Variants in PRKD1 observed in about 807,000 individuals in gnomAD.
PRKD1 encodes the protein serine/threonine-protein kinase D1.
In PRKD1, 63 loss-of-function variants were observed where a neutral mutation model predicts 95.9. That is an observed-to-expected ratio of 0.66 (90% CI 0.54 to 0.81). The LOEUF (loss-of-function observed/expected upper bound fraction) is 0.81. Ranked by LOEUF, PRKD1 falls within the 30% of genes least tolerant of loss-of-function variation. The pLI is 0.00. For missense variants in PRKD1, 1,048 were observed against 1,165.3 expected (o/e 0.90, Z 1.47); for synonymous variants, 425 against 423.1 (o/e 1.00, Z -0.05).
chr14:29,752,351 A>G (rs540359799), intron 1 of PRKD1, among the ~76,000 whole-genome samples: 1 of 152,110 alleles, frequency 6.6e-6, no homozygotes, highest in Non-Finnish European at 1.5e-5. Context: ...CCATTTAACA[A>G]AAGGATAATA....
chr14:29,831,671 G>GT (rs1367470192), intron 1 of PRKD1, among the ~76,000 whole-genome samples: 1 of 151,838 alleles, frequency 6.6e-6, no homozygotes. Context: ...GTTTCACCAT[G>GT]TTTTTTATTT....
Position 29,821,221 on chromosome 14 carries a change from T to C in PRKD1, c.265-95547A>G, listed in dbSNP as rs185195228. ...TAAATACATGACTGTGTTCTTGTAT[T>C]CTCTAAGGTAGATTGTGTAGATTGA... On this transcript the variant is annotated intron_variant, in intron 1 of 17. Coordinates refer to ENST00000331968, the MANE Select transcript of PRKD1 (RefSeq NM_002742.3). 6.4e-3 allele frequency among the ~76,000 whole-genome samples: 970 copies of C among 152,306 alleles called. 8 individuals are homozygous for C. The highest frequency in any genetic ancestry group is 0.01 in the Non-Finnish European group (708 of 68,032).
intron 1 of PRKD1, among the ~76,000 whole-genome samples, chr14:29,890,226 T>C (rs1893892398): frequency 6.6e-6 from 1 of 152,218 alleles, no homozygotes; most frequent in Non-Finnish European, 1.5e-5. Context: ...ATTTCAAGCA[T>C]TTTATTTGTT....
chr14:29,582,503 G>C (rs1892785779), intron 16 of PRKD1, among the ~76,000 whole-genome samples: 1 of 152,160 alleles, frequency 6.6e-6, no homozygotes, highest in Non-Finnish European at 1.5e-5. Context: ...ACATCTGTTA[G>C]TTTCTTCAAT....
chr14:29,667,978 C>T (rs532639987), intron 2 of PRKD1, among the ~76,000 whole-genome samples: 2 of 151,222 alleles, frequency 1.3e-5, no homozygotes, highest in East Asian at 1.9e-4. Context: ...CATTCATAAG[C>T]AGTTAGCACC....
At chr14:29,817,452 A>G (rs1357132492) in intron 1 of PRKD1, among the ~76,000 whole-genome samples, 1 of 152,226 alleles carries the variant, frequency 6.6e-6, no homozygotes, top group African/African-American at 2.4e-5. Flanking sequence ...CCACAAGGGA[A>G]AAATGAAGAC....
chr14:29,705,309 C>G lies in PRKD1; in HGVS notation c.403+20227G>C, dbSNP rs185744958. The stretch of plus-strand genomic sequence containing the variant: ...CATGTTATTTTAACATACTAGGTTG[C>G]TGCAAAAGTAATTGCGGTTTTTGCC... On this transcript the variant is annotated intron_variant, in intron 2 of 17. Coordinates refer to ENST00000331968, the MANE Select transcript of PRKD1 (RefSeq NM_002742.3). Among the ~76,000 whole-genome samples the G allele has an allele frequency of 5.0e-3, 755 of 152,050 alleles. 1 individual carries two copies. The highest frequency in any genetic ancestry group is 6.9e-3 in the Non-Finnish European group (471 of 67,934).
intron 2 of PRKD1, among the ~76,000 whole-genome samples, chr14:29,701,493 G>T (rs745363234): frequency 2.0e-5 from 3 of 152,120 alleles, no homozygotes; most frequent in Non-Finnish European, 4.4e-5. Flanking sequence ...TTTTCACAAC[G>T]AATATCTTTT....
intron 1 of PRKD1, among the ~76,000 whole-genome samples, chr14:29,820,163 G>T (rs183684884): frequency 6.6e-6 from 1 of 152,260 alleles, no homozygotes; most frequent in East Asian, 1.9e-4. Flanking sequence ...TGGAAATAAG[G>T]TTCATTCATA....
At chr14:29,836,702 CT>C (rs1891624179) in intron 1 of PRKD1, among the ~76,000 whole-genome samples, 1 of 152,146 alleles carries the variant, frequency 6.6e-6, no homozygotes, top group Non-Finnish European at 1.5e-5. Flanking sequence ...GCAGCCTCCC[CT>C]AGAGAGGGTT....
intron 1 of PRKD1, among the ~76,000 whole-genome samples, chr14:29,812,436 G>A (rs1890527285): frequency 1.3e-5 from 2 of 152,130 alleles, no homozygotes; most frequent in African/African-American, 4.8e-5. Context: ...CTCCTCTCAG[G>A]AGGAAAGCGT....
chr14:29,890,110 G>C (rs1893886004), intron 1 of PRKD1, among the ~76,000 whole-genome samples: 1 of 152,138 alleles, frequency 6.6e-6, no homozygotes, highest in Non-Finnish European at 1.5e-5. Flanking sequence ...CATTTTAATA[G>C]TGTTTTAATA....
chr14:29,800,878 C>A (rs1200601218), intron 1 of PRKD1, among the ~76,000 whole-genome samples: 2 of 152,122 alleles, frequency 1.3e-5, no homozygotes, highest in Admixed American at 6.5e-5. Context: ...CATGATAAGA[C>A]CCCTGGCACC....
chr14:29,615,682 A>G (rs1211846157), intron 13 of PRKD1, among the ~76,000 whole-genome samples: 1 of 152,182 alleles, frequency 6.6e-6, no homozygotes, highest in Admixed American at 6.5e-5. Flanking sequence ...TGACTGCCCA[A>G]ATAGAGTATG....
chr14:29,578,196 C>A lies in PRKD1; in HGVS notation c.2520+79G>T. On this transcript the variant is annotated intron_variant, in intron 17 of 17. Coordinates refer to ENST00000331968, the MANE Select transcript of PRKD1 (RefSeq NM_002742.3). The stretch of plus-strand genomic sequence containing the variant: ...AATAATCACACTTTAAAAATTATTG[C>A]AAAAGATTTCTAAATATCAAAATCC... 10 of 1,143,358 alleles carry A rather than the reference C, an allele frequency of 8.7e-6. No homozygotes were observed. In the South Asian group the frequency reaches 1.2e-4, roughly 14 times the overall value. The allele number at this position is 1,143,358 out of a possible 1,614,324, so 70.8% of individuals were successfully genotyped here. A position where few individuals can be genotyped will look rare whatever the true frequency, so the allele number is the denominator to read the frequency against.
At chr14:29,884,649 C>T (rs1893632203) in intron 1 of PRKD1, among the ~76,000 whole-genome samples, 1 of 152,114 alleles carries the variant, frequency 6.6e-6, no homozygotes, top group Non-Finnish European at 1.5e-5. Context: ...GATGAGAAAG[C>T]CAATGTCAAC....
At chr14:29,826,782 C>CATATATATACACATATATATATACATAT (rs1358133940) in intron 1 of PRKD1, among the ~76,000 whole-genome samples, 10 of 25,246 alleles carry the variant, frequency 4.0e-4, no homozygotes, top group South Asian at 1.4e-3. Context: ...CATATATATA[C>CATATATATACACATATATATATACATAT]ATATATACAC....
At position 29,654,667 on chromosome 14, in the gene PRKD1, T is replaced by C. The variant is rs116053412; in HGVS notation, c.696+9032A>G. On this transcript the variant is annotated intron_variant, in intron 4 of 17. Coordinates refer to ENST00000331968, the MANE Select transcript of PRKD1 (RefSeq NM_002742.3). Reference sequence around the variant, plus strand: ...TATACTATATCTACTTGTCGGTATATGGTTTACCTATGCAAGCTCCATGAA... The same window carrying C: ...TATACTATATCTACTTGTCGGTATACGGTTTACCTATGCAAGCTCCATGAA... 4.5e-3 allele frequency among the ~76,000 whole-genome samples: 686 copies of C among 152,312 alleles called. 4 individuals carry two copies. The highest frequency in any genetic ancestry group is 0.01 in the African/African-American group (429 of 41,566).
At chr14:29,585,077 C>T (rs575172162) in intron 16 of PRKD1, among the ~76,000 whole-genome samples, 1 of 151,906 alleles carries the variant, frequency 6.6e-6, no homozygotes, top group South Asian at 2.1e-4. Context: ...TTTTCCCTTT[C>T]AATTCTGCCT....
Sources: allele counts gnomAD v4.1 joint callset (sites outside exome capture counted in the v4.1 genomes callset), GRCh38; gene constraint gnomAD v4.1.1; transcripts MANE v1.5; gene names NCBI Gene and HGNC (gene_info 2026-07-23, HGNC 2026-07-21).